The following MDGA2 variants were observed in gnomAD, a reference collection of about 807,000 sequenced individuals.
MDGA2 encodes the protein MAM domain containing glycosylphosphatidylinositol anchor 2.
In MDGA2, 40 loss-of-function variants were observed where a neutral mutation model predicts 117.8. That is an observed-to-expected ratio of 0.34 (90% confidence interval 0.26 to 0.44). MDGA2 has a LOEUF of 0.44. Among genes scored for constraint, MDGA2 ranks in the 20% least tolerant of loss-of-function variants. The pLI is 1.00. For missense variants in MDGA2, 1,123 were observed against 1,250.6 expected (o/e 0.90, Z 1.54); for synonymous variants, 452 against 439.0 (o/e 1.03, Z -0.37).
intron 1 of MDGA2, among the ~76,000 whole-genome samples, chr14:47,665,433 C>A (rs1218357991): frequency 6.6e-6 from 1 of 152,220 alleles, no homozygotes; most frequent in Non-Finnish European, 1.5e-5. Context: ...TCTGGCCACG[C>A]TTGAGGAGCC....
chr14:47,285,944 T>C (rs1473543279), intron 2 of MDGA2, among the ~76,000 whole-genome samples: 2 of 152,086 alleles, frequency 1.3e-5, no homozygotes, highest in Non-Finnish European at 2.9e-5. Flanking sequence ...TGAAAAGTAA[T>C]AATGCCTGTC....
chr14:47,124,447 T>A (rs986959478), intron 5 of MDGA2, among the ~76,000 whole-genome samples: 3 of 152,148 alleles, frequency 2.0e-5, no homozygotes, highest in Non-Finnish European at 4.4e-5. Flanking sequence ...TAATTTGAGT[T>A]CTCAGTGAGG....
chr14:47,111,210 A>G (rs1341831050), intron 5 of MDGA2, among the ~76,000 whole-genome samples: 1 of 152,202 alleles, frequency 6.6e-6, no homozygotes, highest in Non-Finnish European at 1.5e-5. Flanking sequence ...AACACTTTTG[A>G]TAACCCCTAA....
intron 1 of MDGA2, among the ~76,000 whole-genome samples, chr14:47,670,636 T>C (rs886609880): frequency 8.1e-4 from 124 of 152,308 alleles, no homozygotes; most frequent in African/African-American, 2.9e-3. Context: ...AGCTAGGTTT[T>C]ACATTCCAAT....
At chr14:46,994,205 C>G (rs1424732741) in intron 8 of MDGA2, among the ~76,000 whole-genome samples, 1 of 152,108 alleles carries the variant, frequency 6.6e-6, no homozygotes, top group Non-Finnish European at 1.5e-5. Flanking sequence ...CTGCTTCCAC[C>G]AGAAAAAGGA....
At chr14:47,236,857 T>C (rs191385074) in intron 2 of MDGA2, among the ~76,000 whole-genome samples, 13 of 152,306 alleles carry the variant, frequency 8.5e-5, no homozygotes, top group Admixed American at 8.5e-4. Flanking sequence ...AAAGTCTCCA[T>C]GAAAATGCAC....
intron 6 of MDGA2, among the ~76,000 whole-genome samples, chr14:47,079,234 G>A (rs868088305): frequency 5.3e-5 from 8 of 151,970 alleles, no homozygotes; most frequent in Admixed American, 2.6e-4. Context: ...TTTATTATGT[G>A]GATAATTTCT....
intron 2 of MDGA2, 94 bp from the exon 3 acceptor site, chr14:47,218,289 G>C (rs1398950495): frequency 2.2e-5 from 23 of 1,040,826 alleles, no homozygotes; most frequent in Non-Finnish European, 2.5e-5. Flanking sequence ...TGCATTTAGA[G>C]CTGCTACATT....
At chr14:47,509,921 G>T (rs1894603508) in intron 1 of MDGA2, among the ~76,000 whole-genome samples, 1 of 152,230 alleles carries the variant, frequency 6.6e-6, no homozygotes, top group African/African-American at 2.4e-5. Flanking sequence ...AGACTTTAGT[G>T]TTGATGCTGG....
intron 1 of MDGA2, among the ~76,000 whole-genome samples, chr14:47,396,542 T>C (rs1383689191): frequency 1.3e-5 from 2 of 151,952 alleles, no homozygotes; most frequent in Admixed American, 6.6e-5. Context: ...ATCATCAGAG[T>C]GAACAGGCAA....
chr14:47,103,976 A>T (rs1880489014), intron 5 of MDGA2, among the ~76,000 whole-genome samples: 2 of 152,176 alleles, frequency 1.3e-5, no homozygotes, highest in African/African-American at 2.4e-5. Context: ...GAAGTTTACA[A>T]CTTAACAAGA....
At chr14:46,866,978 G>T (rs1341282255) in intron 14 of MDGA2, among the ~76,000 whole-genome samples, 7 of 152,070 alleles carry the variant, frequency 4.6e-5, no homozygotes, top group Non-Finnish European at 1.0e-4. Flanking sequence ...GTGGAAGTCA[G>T]TGTGGCGATT....
At chr14:46,994,397 G>C (rs990539916) in intron 8 of MDGA2, among the ~76,000 whole-genome samples, 9 of 152,108 alleles carry the variant, frequency 5.9e-5, no homozygotes, top group African/African-American at 1.9e-4. Context: ...TGCAATTGGT[G>C]TCAGGAGTGA....
At chr14:47,049,128 A>T (rs1889364175) in intron 7 of MDGA2, among the ~76,000 whole-genome samples, 1 of 152,130 alleles carries the variant, frequency 6.6e-6, no homozygotes, top group Non-Finnish European at 1.5e-5. Flanking sequence ...CCATGGTAAA[A>T]GTGGACTACT....
chr14:47,597,340 T>C (rs1896562281), intron 1 of MDGA2, among the ~76,000 whole-genome samples: 1 of 152,156 alleles, frequency 6.6e-6, no homozygotes, highest in Non-Finnish European at 1.5e-5. Context: ...AAATTACTTT[T>C]TTTCTTCAGT....
At position 47,125,337 on chromosome 14, in the gene MDGA2, T is replaced by C. The variant is rs1052110233; in HGVS notation, c.925+6377A>G. The stretch of plus-strand genomic sequence containing the variant: ...TATAACTAAGATATTTTCTTTTTCA[T>C]AAGGCTTAAGTAAGTTAGTTAAATT... On this transcript the variant is annotated intron_variant, in intron 5 of 16. Coordinates refer to ENST00000399232, the MANE Select transcript of MDGA2 (RefSeq NM_001113498.3). Among the ~76,000 whole-genome samples, 18 of 152,150 alleles carry C rather than the reference T, an allele frequency of 1.2e-4. 1 individual carries two copies. Among genetic ancestry groups the C allele is most frequent in the Admixed American group, 1.2e-3 (18 of 15,262 alleles).
At chr14:47,192,771 G>T (rs1885161616) in intron 3 of MDGA2, among the ~76,000 whole-genome samples, 1 of 152,184 alleles carries the variant, frequency 6.6e-6, no homozygotes, top group Admixed American at 6.5e-5. Context: ...TATAGAATGT[G>T]TTCAGTCATT....
intron 7 of MDGA2, among the ~76,000 whole-genome samples, chr14:47,059,560 G>T (rs1328419649): frequency 6.6e-6 from 1 of 152,006 alleles, no homozygotes; most frequent in Non-Finnish European, 1.5e-5. Flanking sequence ...TAACTAGTAT[G>T]TTTAAAAATA....
chr14:47,570,480 G>T (rs555658866), intron 1 of MDGA2, among the ~76,000 whole-genome samples: 1 of 152,132 alleles, frequency 6.6e-6, no homozygotes, highest in African/African-American at 2.4e-5. Flanking sequence ...CTTTCATGGA[G>T]TTGTTAGAAG....
Sources: allele counts gnomAD v4.1 joint callset (sites outside exome capture counted in the v4.1 genomes callset), GRCh38; gene constraint gnomAD v4.1.1; transcripts MANE v1.5; gene names NCBI Gene and HGNC (gene_info 2026-07-23, HGNC 2026-07-21).